The following SHOC1 variants were observed in gnomAD, a reference collection of about 807,000 sequenced individuals.
SHOC1 encodes the protein protein shortage in chiasmata 1 ortholog.
Under a neutral mutation model 179.2 loss-of-function variants are expected in SHOC1, and 136 were observed. The observed-to-expected ratio is 0.76, with a 90% confidence interval of 0.66 to 0.87. The LOEUF (loss-of-function observed/expected upper bound fraction) is 0.87. Ranked by LOEUF, SHOC1 falls within the 40% of genes least tolerant of loss-of-function variation. The pLI, the probability that SHOC1 is intolerant of heterozygous loss-of-function variation, is 0.00. For missense variants in SHOC1, 1,538 were observed against 1,700.8 expected, an observed-to-expected ratio of 0.90 and a Z score of 1.68; for synonymous variants, 489 against 586.6, an observed-to-expected ratio of 0.83 and a Z score of 2.41.
intron 15 of SHOC1, among the ~76,000 whole-genome samples, chr9:111,718,759 T>C (rs1357621331): frequency 6.6e-6 from 1 of 152,072 alleles, no homozygotes; most frequent in Non-Finnish European, 1.5e-5. Flanking sequence ...GGTAGACACC[T>C]AGGAATATTT....
In SHOC1 at chr9:111,692,211, T is replaced by C. The variant is rs1337379174; in HGVS notation, c.3766A>G (p.Lys1256Glu). The C allele has an allele frequency of 1.2e-6, 2 of 1,613,584 alleles. No individual in the cohort carries two copies. The highest frequency in any genetic ancestry group is 1.7e-6 in the Non-Finnish European group (2 of 1,179,670). The change falls in exon 27 of 28, where the codon AAA (lysine) becomes GAA (glutamate). Residue 1256 changes from lysine (K) to glutamate (E), a missense_variant. Physicochemically the swap from Lys to Glu is moderately conservative, Grantham distance 56. Coordinates refer to ENST00000682961, the MANE Select transcript of SHOC1 (RefSeq NM_001378211.1). ...ATATTAGATTTACAGCTGGAGTCTTTCCAGTAGCTGGTCTGATTGTATGAA... is the reference window on the plus strand; with the variant it reads ...ATATTAGATTTACAGCTGGAGTCTTCCCAGTAGCTGGTCTGATTGTATGAA... Reference protein sequence around the residue: ...VTSYNQTSYWKDSSCKSNIGQ... With the variant: ...VTSYNQTSYWEDSSCKSNIGQ...
At chr9:111,711,702 G>C (rs1832557443) in intron 18 of SHOC1, among the ~76,000 whole-genome samples, 1 of 152,100 alleles carries the variant, frequency 6.6e-6, no homozygotes, top group African/African-American at 2.4e-5. Context: ...AATATAGTAG[G>C]GGTTTTTTGT....
Position 111,702,242 on chromosome 9 carries a change from G to T in SHOC1, c.2968-16C>A. ...CTTCTAGATCCTATCAGAAAATAAA[G>T]AAAATGTAAAAATTCATTAGGTTGA... On this transcript the variant is annotated splice_polypyrimidine_tract_variant and intron_variant, in intron 22 of 27. Transcript: ENST00000682961. 7.3e-7 allele frequency: 1 copy of T among 1,370,286 alleles called. No homozygotes were observed. The highest frequency in any genetic ancestry group is 1.2e-5 in the South Asian group (1 of 80,720). 84.9% of individuals were successfully genotyped at this position (1,370,286 alleles called of 1,614,324 possible).
At chr9:111,756,526 A>C (rs1171998547) in intron 7 of SHOC1, 48 bp from the exon 8 acceptor site, 2 of 1,525,432 alleles carry the variant, frequency 1.3e-6, no homozygotes, top group Non-Finnish European at 1.8e-6. Flanking sequence ...TTTCCAAATA[A>C]ATATTTTCGA....
At position 111,705,506 on chromosome 9, in the gene SHOC1, A is replaced by G. The variant is rs1377913815; in HGVS notation, c.2738-142T>C. 9.3e-6 allele frequency: 4 copies of G among 430,096 alleles called. No individual in the cohort carries two copies. The Admixed American group carries it at 1.3e-4, about 14-fold the overall frequency. The allele number at this position is 430,096 out of a possible 1,614,324, so 26.6% of individuals were successfully genotyped here. A position where few individuals can be genotyped will look rare whatever the true frequency, so the allele number is the denominator to read the frequency against. Reference sequence around the variant, plus strand: ...GTAAAAAATCAGAAACAGAATAAAGACAGGCTTGAAGAAGAAAATAAAAAC... The same window carrying G: ...GTAAAAAATCAGAAACAGAATAAAGGCAGGCTTGAAGAAGAAAATAAAAAC... On this transcript the variant is annotated intron_variant, in intron 20 of 27. Coordinates refer to ENST00000682961, the MANE Select transcript of SHOC1 (RefSeq NM_001378211.1).
At chr9:111,707,819 C>T (rs142325232) in intron 19 of SHOC1, 36 bp downstream of exon 19, 40 of 1,363,178 alleles carry the variant, frequency 2.9e-5, no homozygotes, top group African/African-American at 6.0e-5. Flanking sequence ...GAAACTGGTA[C>T]GTTTGTTCCT....
chr9:111,735,594 C>T (rs966701528), intron 12 of SHOC1, among the ~76,000 whole-genome samples: 4 of 152,108 alleles, frequency 2.6e-5, no homozygotes, highest in African/African-American at 9.7e-5. Flanking sequence ...CATTGATGGG[C>T]ATTTGGGTTG....
intron 18 of SHOC1, among the ~76,000 whole-genome samples, chr9:111,712,691 A>C (rs1322255): frequency 0.4 from 60,947 of 151,944 alleles, 14,002 homozygotes; most frequent in East Asian, 0.77. Flanking sequence ...ATGATACTAA[A>C]ACGAGAGTCC....
intron 3 of SHOC1, among the ~76,000 whole-genome samples, chr9:111,785,465 T>A (rs1009862078): frequency 1.3e-5 from 2 of 152,154 alleles, no homozygotes; most frequent in African/African-American, 4.8e-5. Flanking sequence ...ATATACCAAG[T>A]AAATGCTGTT....
chr9:111,775,750 A>T, intron 5 of SHOC1, 41 bp downstream of exon 5: 1 of 1,529,996 alleles, frequency 6.5e-7, no homozygotes, highest in Non-Finnish European at 8.9e-7. Context: ...TGTGTATATC[A>T]GTAAGAAATG....
intron 5 of SHOC1, among the ~76,000 whole-genome samples, chr9:111,772,653 G>T (rs555191583): frequency 6.6e-6 from 1 of 152,162 alleles, no homozygotes; most frequent in African/African-American, 2.4e-5. Context: ...CTAGCAAATG[G>T]TCAGGGCACT....
At chr9:111,773,016 G>A (rs1835682062) in intron 5 of SHOC1, among the ~76,000 whole-genome samples, 1 of 151,702 alleles carries the variant, frequency 6.6e-6, no homozygotes, top group Non-Finnish European at 1.5e-5. Flanking sequence ...GAATGGGCAG[G>A]GTGGGGCATC....
At chr9:111,786,093 G>C in intron 2 of SHOC1, 58 bp from the exon 3 acceptor site, 1 of 1,152,470 alleles carries the variant, frequency 8.7e-7, no homozygotes, top group Non-Finnish European at 1.2e-6. Context: ...TCAATATTCA[G>C]AATATATTAA....
At chr9:111,758,285 G>T in intron 6 of SHOC1, 90 bp from the exon 7 acceptor site, 2 of 720,970 alleles carry the variant, frequency 2.8e-6, no homozygotes, top group South Asian at 2.2e-5. Context: ...TAAAATTAAA[G>T]TTGAGGTAAA....
At chr9:111,718,133 G>C (rs1235892485) in intron 16 of SHOC1, 51 bp downstream of exon 16, 1 of 1,288,146 alleles carries the variant, frequency 7.8e-7, no homozygotes, top group African/African-American at 1.5e-5. Flanking sequence ...AGTTATTTCA[G>C]ATGAAATATT....
At chr9:111,686,892 A>G (rs1831192187) in intron 27 of SHOC1, 22 bp from the exon 28 acceptor site, 1 of 1,476,018 alleles carries the variant, frequency 6.8e-7, no homozygotes, top group Non-Finnish European at 9.4e-7. Context: ...AGAAAAAGGA[A>G]AACCATTTTA....
At chr9:111,788,064 CTTTTTTT>C (rs35764341) in intron 2 of SHOC1, among the ~76,000 whole-genome samples, 2 of 122,738 alleles carry the variant, frequency 1.6e-5, no homozygotes, top group African/African-American at 6.1e-5. Context: ...ATAAACATAA[CTTTTTTT>C]TTTTTTTTTT....
intron 23 of SHOC1, 56 bp from the exon 24 acceptor site, chr9:111,700,103 T>G: frequency 1.1e-6 from 1 of 947,938 alleles, no homozygotes; most frequent in Non-Finnish European, 1.6e-6. Flanking sequence ...TTATATTTAT[T>G]AAAAATTCAT....
At chr9:111,765,275 C>A (rs778477867) in intron 5 of SHOC1, among the ~76,000 whole-genome samples, 5 of 151,908 alleles carry the variant, frequency 3.3e-5, no homozygotes, top group Non-Finnish European at 7.4e-5. Flanking sequence ...CTGAAGATAA[C>A]AAAGAATTAT....
Sources: gnomAD v4.1 joint callset for allele counts (sites outside exome capture counted in the v4.1 genomes callset) on GRCh38, gnomAD v4.1.1 for gene constraint, MANE v1.5 for transcripts, NCBI Gene and HGNC (gene_info 2026-07-23, HGNC 2026-07-21) for gene names.